Variants in AGBL4 observed in about 807,000 individuals in gnomAD.
AGBL4 encodes cytosolic carboxypeptidase 6.
In AGBL4, 58 loss-of-function variants were observed where a neutral mutation model predicts 66.4. The observed-to-expected ratio is 0.87, with a 90% CI of 0.71 to 1.09. AGBL4 has a LOEUF of 1.09. Among genes scored for constraint, AGBL4 ranks in the 50% least tolerant of loss-of-function variants. The pLI, the probability that AGBL4 is intolerant of heterozygous loss-of-function variation, is 0.00. For missense variants in AGBL4, 579 were observed against 631.0 expected, an observed-to-expected ratio of 0.92 and a Z score of 0.88; for synonymous variants, 234 against 222.9, an observed-to-expected ratio of 1.05 and a Z score of -0.44.
At chr1:49,527,524 T>C (rs895812428) in intron 3 of AGBL4, 1 of 152,742 alleles carries the variant, frequency 6.5e-6, no homozygotes, top group Non-Finnish European at 1.5e-5. Context: ...CTTTCTTCCA[T>C]TGCTATCACA....
At chr1:49,473,765 T>A (rs1557973973) in intron 3 of AGBL4, among the ~76,000 whole-genome samples, 1 of 152,106 alleles carries the variant, frequency 6.6e-6, no homozygotes, top group Non-Finnish European at 1.5e-5. Context: ...TAGTTTTAGG[T>A]TTTACACATT....
chr1:49,783,715 C>A (rs1571557775), intron 2 of AGBL4, among the ~76,000 whole-genome samples: 1 of 151,976 alleles, frequency 6.6e-6, no homozygotes, highest in South Asian at 2.1e-4. Flanking sequence ...ATGAAATGAT[C>A]TCTATTTGCA....
intron 9 of AGBL4, among the ~76,000 whole-genome samples, chr1:48,602,597 G>C (rs1645089451): frequency 6.6e-6 from 1 of 152,112 alleles, no homozygotes; most frequent in Non-Finnish European, 1.5e-5. Context: ...ACTTGGCAGA[G>C]TGCACATCAC....
At chr1:49,386,180 G>A (rs1356930054) in intron 3 of AGBL4, among the ~76,000 whole-genome samples, 1 of 151,474 alleles carries the variant, frequency 6.6e-6, no homozygotes, top group Non-Finnish European at 1.5e-5. Context: ...TACAACAGAA[G>A]AAAAAATACT....
chr1:49,545,102 T>G (rs1652369251), intron 3 of AGBL4, among the ~76,000 whole-genome samples: 1 of 152,220 alleles, frequency 6.6e-6, no homozygotes, highest in Non-Finnish European at 1.5e-5. Flanking sequence ...AACCTGTGAC[T>G]TGTTTCTAAC....
rs370557385 is a variant in AGBL4, at chr1:49,367,250, TG to T, written c.283-121387del. On this transcript the variant is annotated intron_variant, in intron 3 of 13. Transcript: ENST00000371839. ...AAACTGGTGGGAGGTATTTGGGTCA[TG>T]GGGGTAGACCCTTTATGAATGGCTT... Among the ~76,000 whole-genome samples, 51 of 152,342 alleles carry T rather than the reference TG, an allele frequency of 3.3e-4. 1 individual carries two copies. The South Asian group carries it at 9.7e-3, about 29-fold the overall frequency.
intron 3 of AGBL4, among the ~76,000 whole-genome samples, chr1:49,263,475 A>G (rs1044061623): frequency 1.3e-5 from 2 of 152,160 alleles, no homozygotes; most frequent in Non-Finnish European, 2.9e-5. Context: ...TAGGCCAAGC[A>G]TATAATCAGA....
intron 3 of AGBL4, among the ~76,000 whole-genome samples, chr1:49,449,604 G>T (rs1026288638): frequency 6.6e-6 from 1 of 151,894 alleles, no homozygotes; most frequent in African/African-American, 2.4e-5. Flanking sequence ...ATTGGTATGG[G>T]ATCCCCAGAT....
chr1:49,285,019 G>A (rs867767258), intron 3 of AGBL4, among the ~76,000 whole-genome samples: 188 of 151,204 alleles, frequency 1.2e-3, no homozygotes, highest in African/African-American at 3.9e-3. Flanking sequence ...TGCACCAAGC[G>A]GACCTAATAG....
At chr1:49,314,583 G>A (rs1645004459) in intron 3 of AGBL4, among the ~76,000 whole-genome samples, 1 of 152,100 alleles carries the variant, frequency 6.6e-6, no homozygotes, top group South Asian at 2.1e-4. Flanking sequence ...TGGCTGCATA[G>A]TATTCCATGG....
intron 5 of AGBL4, among the ~76,000 whole-genome samples, chr1:48,898,869 A>G (rs1651800220): frequency 6.6e-6 from 1 of 152,124 alleles, no homozygotes; most frequent in South Asian, 2.1e-4. Flanking sequence ...TTTCCCTGAG[A>G]ATTTTGTCAA....
chr1:49,825,719 T>G (rs1012760626), intron 2 of AGBL4, among the ~76,000 whole-genome samples: 7 of 152,188 alleles, frequency 4.6e-5, no homozygotes, highest in African/African-American at 1.7e-4. Context: ...CAGGAAATTC[T>G]GCCAGCAGAT....
intron 3 of AGBL4, among the ~76,000 whole-genome samples, chr1:49,574,717 TCAACCATCAAAGG>T (rs1398223368): frequency 1.3e-5 from 2 of 152,048 alleles, no homozygotes; most frequent in African/African-American, 4.8e-5. Flanking sequence ...GTGGTGGTAC[TCAACCATCAAAGG>T]CAAGGTGGGC....
chr1:49,331,049 G>A (rs1019797451), intron 3 of AGBL4, among the ~76,000 whole-genome samples: 1 of 152,082 alleles, frequency 6.6e-6, no homozygotes, highest in Non-Finnish European at 1.5e-5. Context: ...ACAGATCTTT[G>A]CAACCCTTGG....
chr1:49,531,665 C>A (rs1220607986), intron 3 of AGBL4, among the ~76,000 whole-genome samples: 4 of 151,760 alleles, frequency 2.6e-5, no homozygotes, highest in Non-Finnish European at 5.9e-5. Flanking sequence ...TATTATTATC[C>A]CTATTTACAG....
At chr1:49,469,075 T>C (rs1646687429) in intron 3 of AGBL4, among the ~76,000 whole-genome samples, 1 of 151,844 alleles carries the variant, frequency 6.6e-6, no homozygotes, top group South Asian at 2.1e-4. Context: ...TGCATGTTTA[T>C]ACATTTCCCT....
intron 5 of AGBL4, among the ~76,000 whole-genome samples, chr1:48,959,906 A>G (rs906489133): frequency 2.6e-5 from 4 of 152,200 alleles, no homozygotes; most frequent in Admixed American, 2.6e-4. Context: ...GAAGACTTTC[A>G]TGTTGTTTGT....
chr1:49,877,355 G>A (rs1408026711), intron 1 of AGBL4, among the ~76,000 whole-genome samples: 19 of 151,956 alleles, frequency 1.3e-4, no homozygotes, highest in Admixed American at 1.0e-3. Context: ...TTTATTGAGA[G>A]TTTTTAGCTT....
chr1:49,894,247 A>G (rs868705533), intron 1 of AGBL4, among the ~76,000 whole-genome samples: 5 of 152,156 alleles, frequency 3.3e-5, no homozygotes, highest in African/African-American at 4.8e-5. Context: ...CTTCCAAAAA[A>G]GGACAGATAG....
Sources: allele counts gnomAD v4.1 joint callset (sites outside exome capture counted in the v4.1 genomes callset), GRCh38; gene constraint gnomAD v4.1.1; transcripts MANE v1.5; gene names NCBI Gene and HGNC (gene_info 2026-07-23, HGNC 2026-07-21).